NLRP3: variants seen among roughly 807,000 people sequenced by gnomAD.
NLRP3 encodes the protein NACHT, LRR and PYD domains-containing protein 3.
A neutral mutation model predicts 91.3 loss-of-function variants in NLRP3; 48 were observed. The ratio of observed to expected loss-of-function variants is 0.53; its 90% confidence interval spans 0.42 to 0.67. The LOEUF is 0.67. Among genes scored for constraint, NLRP3 ranks in the 30% least tolerant of loss-of-function variants. The pLI is 0.00. For missense variants in NLRP3, 982 were observed against 1,276.9 expected, an observed-to-expected ratio of 0.77 and a Z score of 3.52; for synonymous variants, 561 against 507.9, an observed-to-expected ratio of 1.10 and a Z score of -1.41.
chr1:247,444,170 G>C (rs371299980), intron 8 of NLRP3, 28 bp downstream of exon 8: 1 of 1,613,238 alleles, frequency 6.2e-7, no homozygotes, highest in African/African-American at 1.3e-5. Flanking sequence ...TTACAGCAAT[G>C]AGAACACATG....
At chr1:247,427,054 C>A (rs780071273) in intron 4 of NLRP3, among the ~76,000 whole-genome samples, 9 of 152,176 alleles carry the variant, frequency 5.9e-5, no homozygotes, top group Non-Finnish European at 8.8e-5. Flanking sequence ...GAAGGTTCAC[C>A]TTACGGTTCT....
chr1:247,440,964 C>T (rs1468698797), intron 7 of NLRP3, among the ~76,000 whole-genome samples: 1 of 152,094 alleles, frequency 6.6e-6, no homozygotes, highest in Non-Finnish European at 1.5e-5. Flanking sequence ...AACTAACATT[C>T]CCATCTTGAG....
intron 7 of NLRP3, among the ~76,000 whole-genome samples, chr1:247,443,174 A>G (rs1664343752): frequency 6.6e-6 from 1 of 152,006 alleles, no homozygotes; most frequent in Admixed American, 6.6e-5. Flanking sequence ...CCACCCTCCC[A>G]AAGTGCTGGA....
Position 247,425,389 on chromosome 1 carries a change from A to G in NLRP3, c.1940A>G (p.Tyr647Cys). 6.2e-7 allele frequency: 1 copy of G among 1,614,166 alleles called. No individual in the cohort carries two copies. Among genetic ancestry groups the G allele is most frequent in the Non-Finnish European group, 8.5e-7 (1 of 1,180,030 alleles). The change falls in exon 4 of 10, where the codon TAT becomes TGT. Residue 647 changes from tyrosine (Y) to cysteine (C), a missense_variant. Tyr to Cys is a radical substitution (Grantham distance 194). Around this residue, in one of 5 missense-constraint regions of NLRP3, gnomAD observed 373 missense variants for 431.5 expected, o/e 0.86. Coordinates refer to ENST00000336119, the MANE Select transcript of NLRP3 (RefSeq NM_001243133.2). This position sits in a 1 kb window ranked among gnomAD's most constrained non-coding sequence, Gnocchi z 4.1. ...GACTTCGTGCAAAGGGCCATGGACT[A>G]TTTCCCCAAGATTGAGATCAATCTC... is the stretch of plus-strand genomic sequence containing the variant. ...EEDFVQRAMD[Y>C]FPKIEINLST...
chr1:247,445,612 T>C (rs1664536245), intron 9 of NLRP3, among the ~76,000 whole-genome samples: 1 of 152,206 alleles, frequency 6.6e-6, no homozygotes, highest in African/African-American at 2.4e-5. Flanking sequence ...GTGATACTAC[T>C]GAGGTAGTCG....
chr1:247,442,951 A>C (rs994041353), intron 7 of NLRP3, among the ~76,000 whole-genome samples: 1 of 152,154 alleles, frequency 6.6e-6, no homozygotes, highest in African/African-American at 2.4e-5. Flanking sequence ...TTTTTGAGAC[A>C]GAGTCTCACT....
intron 5 of NLRP3, among the ~76,000 whole-genome samples, chr1:247,431,963 A>G (rs1318546727): frequency 1.3e-5 from 2 of 151,852 alleles, no homozygotes; most frequent in African/African-American, 4.8e-5. Flanking sequence ...CAGTGGAGTG[A>G]TCTCGGCTCA....
At chr1:247,437,027 G>A (rs1663840350) in intron 7 of NLRP3, among the ~76,000 whole-genome samples, 1 of 152,198 alleles carries the variant, frequency 6.6e-6, no homozygotes, top group South Asian at 2.1e-4. Flanking sequence ...CAGAGAGAAG[G>A]TAGTGGAACT....
chr1:247,423,302 G>T lies in NLRP3; in HGVS notation c.350G>T (p.Gly117Val). 6.5e-7 allele frequency: 1 copy of T among 1,528,572 alleles called. No individual in the cohort carries two copies. The highest frequency in any genetic ancestry group is 8.9e-7 in the Non-Finnish European group (1 of 1,126,610). 94.7% of individuals were successfully genotyped at this position (1,528,572 alleles called of 1,614,324 possible). The change falls in exon 3 of 10, where the codon GGT becomes GTT. Residue 117 changes from glycine (G) to valine (V), a missense_variant. Physicochemically the swap from Gly to Val is moderately radical, Grantham distance 109. Coordinates refer to ENST00000336119, the MANE Select transcript of NLRP3 (RefSeq NM_001243133.2). ...QEDSIEEEWM[G>V]LLEYLSRISI... Reference sequence around the variant, plus strand: ...GACAGCATTGAAGAGGAGTGGATGGGTTTACTGGAGTACCTTTCGAGAATC... The same window carrying T: ...GACAGCATTGAAGAGGAGTGGATGGTTTTACTGGAGTACCTTTCGAGAATC...
intron 7 of NLRP3, among the ~76,000 whole-genome samples, chr1:247,437,274 G>T (rs10802499): frequency 0.99 from 150,249 of 152,332 alleles, 74,138 homozygotes; most frequent in Middle Eastern, 1. Context: ...AAGCAAATTG[G>T]ATAGGTCTTC....
At chr1:247,444,938 G>A (rs1664495522) in intron 9 of NLRP3, 117 bp downstream of exon 9, 1 of 1,074,850 alleles carries the variant, frequency 9.3e-7, no homozygotes, top group Admixed American at 2.0e-5. Context: ...GATTAGGTTG[G>A]GCCTGGGTCA....
chr1:247,420,540 C>T (rs1662382232), intron 2 of NLRP3, among the ~76,000 whole-genome samples: 2 of 151,898 alleles, frequency 1.3e-5, no homozygotes, highest in Non-Finnish European at 2.9e-5. Context: ...ATGGCAAAAC[C>T]CCATCTCTAC....
intron 2 of NLRP3, 42 bp downstream of exon 2, chr1:247,419,119 G>C: frequency 6.4e-7 from 1 of 1,559,640 alleles, no homozygotes; most frequent in Non-Finnish European, 8.7e-7. Flanking sequence ...GTGGCCAAGT[G>C]CACATAGTGT....
chr1:247,428,863 A>C (rs538104962), intron 4 of NLRP3, among the ~76,000 whole-genome samples: 3 of 150,180 alleles, frequency 2.0e-5, no homozygotes, highest in African/African-American at 7.4e-5. Context: ...TTTTATTTCC[A>C]TGGATGTGGC....
intron 5 of NLRP3, among the ~76,000 whole-genome samples, chr1:247,431,125 A>C (rs559942713): frequency 3.2e-4 from 49 of 152,176 alleles, no homozygotes; most frequent in African/African-American, 1.2e-3. Flanking sequence ...CGGAGATGGC[A>C]GTGAGCCGAG....
At chr1:247,448,367 T>G (rs746960546) in intron 9 of NLRP3, 38 bp from the exon 10 acceptor site, 1 of 1,116,630 alleles carries the variant, frequency 9.0e-7, no homozygotes, top group Non-Finnish European at 1.4e-6. Flanking sequence ...CAGAGTTATC[T>G]GAAGAGTGCA....
chr1:247,423,097 T>G, intron 2 of NLRP3, 133 bp from the exon 3 acceptor site: 3 of 1,291,476 alleles, frequency 2.3e-6, no homozygotes, highest in Non-Finnish European at 3.3e-6. Context: ...ACCTGTCCTC[T>G]GCAACTCAGA....
At chr1:247,447,433 G>A (rs909088338) in intron 9 of NLRP3, among the ~76,000 whole-genome samples, 5 of 152,136 alleles carry the variant, frequency 3.3e-5, no homozygotes, top group African/African-American at 9.7e-5. Flanking sequence ...TACATTAGGG[G>A]TTCGGGCTTC....
At chr1:247,431,197 T>C (rs979549183) in intron 5 of NLRP3, among the ~76,000 whole-genome samples, 1 of 151,700 alleles carries the variant, frequency 6.6e-6, no homozygotes, top group African/African-American at 2.4e-5. Context: ...ATAATAATAA[T>C]AATAATAATA....
Sources: gnomAD v4.1 joint callset for allele counts (sites outside exome capture counted in the v4.1 genomes callset) on GRCh38, gnomAD v4.1.1 for gene constraint, gnomAD v4.1.1 regional missense constraint, Gnocchi (gnomAD v3.1) non-coding constraint, MANE v1.5 for transcripts, NCBI Gene and HGNC (gene_info 2026-07-23, HGNC 2026-07-21) for gene names.